PPIP5K2: variants seen among roughly 807,000 people sequenced by gnomAD.
PPIP5K2 encodes inositol hexakisphosphate and diphosphoinositol-pentakisphosphate kinase 2.
Under a neutral mutation model 154.6 loss-of-function variants are expected in PPIP5K2, and 105 were observed. The observed-to-expected ratio is 0.68, with a 90% CI of 0.58 to 0.80. PPIP5K2 has a LOEUF of 0.80. PPIP5K2 is among the 30% of genes least tolerant of loss of function. PPIP5K2 has a pLI of 0.00. For synonymous variants in PPIP5K2, 480 were observed against 490.3 expected (o/e 0.98, Z 0.28); for missense variants, 992 against 1,504.6 (o/e 0.66, Z 5.64).
At chr5:103,197,460 C>CT (rs141436952) in intron 30 of PPIP5K2, among the ~76,000 whole-genome samples, 6 of 143,156 alleles carry the variant, frequency 4.2e-5, no homozygotes, top group East Asian at 4.1e-4. Flanking sequence ...TTGTGTTCTA[C>CT]TTTTTTTTTG....
chr5:103,186,491 C>T (rs189454327), intron 27 of PPIP5K2, 52 bp downstream of exon 27: 29 of 1,604,660 alleles, frequency 1.8e-5, no homozygotes, highest in Non-Finnish European at 2.5e-5. Context: ...TGCACACACC[C>T]ATGAGCAGTA....
chr5:103,188,557 A>G (rs782210392), intron 28 of PPIP5K2: 9 of 152,174 alleles, frequency 5.9e-5, no homozygotes, highest in Admixed American at 4.6e-4. Flanking sequence ...TTTAAATGCT[A>G]CTTTTTGAAG....
In PPIP5K2 at chr5:103,204,246, A is replaced by C. The variant is rs1803361513; in HGVS notation, c.*2612A>C. 6.6e-6 allele frequency: 1 copy of C among 152,102 alleles called. No individual in the cohort carries two copies. The highest frequency in any genetic ancestry group is 1.5e-5 in the Non-Finnish European group (1 of 68,010). 9.4% of individuals were successfully genotyped at this position (152,102 alleles called of 1,614,324 possible). ...TCTCAGTCTTTGTGTATTTATAAGA[A>C]TTTGCTTTACACATAGTGTACAGTG... On this transcript the variant is annotated 3_prime_UTR_variant, in exon 31 of 31. Transcript: ENST00000358359.
intron 8 of PPIP5K2, among the ~76,000 whole-genome samples, chr5:103,149,768 C>T (rs182542134): frequency 5.5e-4 from 84 of 151,434 alleles, no homozygotes; most frequent in Non-Finnish European, 1.9e-4. Context: ...AGGATCTTGG[C>T]TCACTGCAAC....
chr5:103,181,329 A>C (rs982761679), intron 24 of PPIP5K2, among the ~76,000 whole-genome samples: 2 of 151,852 alleles, frequency 1.3e-5, no homozygotes, highest in African/African-American at 4.8e-5. Context: ...GCACTTTGGG[A>C]GGCCGAGGTG....
chr5:103,186,481 T>C lies in PPIP5K2; in HGVS notation c.3289+42T>C, dbSNP rs782209580. 3.1e-6 allele frequency: 5 copies of C among 1,611,882 alleles called. No individual in the cohort carries two copies. In the South Asian group the frequency reaches 4.4e-5, roughly 14 times the overall value. On this transcript the variant is annotated intron_variant, in intron 27 of 30. Coordinates refer to ENST00000358359, the MANE Select transcript of PPIP5K2 (RefSeq NM_001276277.3). ...ACACACAGATTCATACCTACACCCA[T>C]GCACACACCCATGAGCAGTATTTCT...
chr5:103,137,581 G>A (rs1791752346), intron 4 of PPIP5K2, among the ~76,000 whole-genome samples: 2 of 152,038 alleles, frequency 1.3e-5, no homozygotes. Flanking sequence ...AAATATGAGT[G>A]TATTTATGTA....
chr5:103,121,020 TGAA>T (rs1464506954), intron 1 of PPIP5K2, among the ~76,000 whole-genome samples: 2 of 152,162 alleles, frequency 1.3e-5, no homozygotes, highest in East Asian at 1.9e-4. Context: ...TTCTGCGCCT[TGAA>T]GAAGAAGGGG....
chr5:103,187,303 C>T lies in PPIP5K2; in HGVS notation c.3290-11C>T. 1 of 1,526,124 alleles carries T rather than the reference C, an allele frequency of 6.6e-7. No individual in the cohort carries two copies. Among genetic ancestry groups the T allele is most frequent in the Non-Finnish European group, 8.8e-7 (1 of 1,140,924 alleles). 94.5% of individuals were successfully genotyped at this position (1,526,124 alleles called of 1,614,324 possible). ...TTACGAATTTCAGGTACCTGTTTTT[C>T]TCTTTCTTAGACGCCACACGCGGTT... On this transcript the variant is annotated splice_polypyrimidine_tract_variant and intron_variant, in intron 27 of 30. Transcript: ENST00000358359.
Position 103,123,119 on chromosome 5 carries a change from G to T in PPIP5K2, c.-285+2631G>T, listed in dbSNP as rs957936932. Among the ~76,000 whole-genome samples, 4 of 152,282 alleles carry T rather than the reference G, an allele frequency of 2.6e-5. No homozygotes were observed. The East Asian group carries it at 7.7e-4, about 29-fold the overall frequency. On this transcript the variant is annotated intron_variant, in intron 1 of 30. Coordinates refer to ENST00000358359, the MANE Select transcript of PPIP5K2 (RefSeq NM_001276277.3). ...TATTTGTTCCTTGCCAATTAAATTT[G>T]CTAGAAAACTGTCATAACAACATTT...
chr5:103,155,889 T>C lies in PPIP5K2; in HGVS notation c.1404-20T>C, dbSNP rs1795349559. The C allele has an allele frequency of 6.7e-7, 1 of 1,482,116 alleles. No individual in the cohort carries two copies. The highest frequency in any genetic ancestry group is 2.3e-5 in the East Asian group (1 of 44,154). 91.8% of individuals were successfully genotyped at this position (1,482,116 alleles called of 1,614,324 possible). On this transcript the variant is annotated intron_variant, in intron 13 of 30. Coordinates refer to ENST00000358359, the MANE Select transcript of PPIP5K2 (RefSeq NM_001276277.3). ...GTTTTTCCCTACATGTTCTATTCTG[T>C]TTATCATTTTATTTTTCAGGTATGG...
chr5:103,199,671 T>TGTTGATTTG (rs1162358778), intron 30 of PPIP5K2, among the ~76,000 whole-genome samples: 7 of 152,194 alleles, frequency 4.6e-5, no homozygotes, highest in Admixed American at 2.0e-4. Flanking sequence ...CATTGGTTGA[T>TGTTGATTTG]GTTGATTTGG....
intron 8 of PPIP5K2, 32 bp from the exon 9 acceptor site, chr5:103,151,221 A>T: frequency 6.5e-7 from 1 of 1,539,300 alleles, no homozygotes; most frequent in South Asian, 1.2e-5. Flanking sequence ...AATTTAAATA[A>T]AACCTTAAAG....
At chr5:103,195,386 G>A in intron 30 of PPIP5K2, among the ~76,000 whole-genome samples, 1 of 152,006 alleles carries the variant, frequency 6.6e-6, no homozygotes, top group East Asian at 1.9e-4. Flanking sequence ...TCAGGAAGTG[G>A]AGGTATGAGG....
intron 8 of PPIP5K2, among the ~76,000 whole-genome samples, chr5:103,150,338 T>C (rs1489107280): frequency 1.3e-5 from 2 of 152,212 alleles, no homozygotes. Context: ...TACTAATACC[T>C]GATGATTGAA....
rs781964803 is a variant in PPIP5K2 at position 103,204,590 on chromosome 5, G to A, written c.*2956G>A. 6.6e-6 allele frequency: 1 copy of A among 152,148 alleles called. No homozygotes were observed. The highest frequency in any genetic ancestry group is 2.4e-5 in the African/African-American group (1 of 41,428). 9.4% of individuals were successfully genotyped at this position (152,148 alleles called of 1,614,324 possible). On this transcript the variant is annotated 3_prime_UTR_variant, in exon 31 of 31. Coordinates refer to ENST00000358359, the MANE Select transcript of PPIP5K2 (RefSeq NM_001276277.3). ...CTCCTAAATAGCTGGTACTATAGGT[G>A]CGTGCCACCACACCCAGCTCATGGG...
intron 23 of PPIP5K2, 64 bp downstream of exon 23, chr5:103,178,044 A>G (rs782498258): frequency 6.7e-6 from 7 of 1,048,772 alleles, no homozygotes; most frequent in Non-Finnish European, 7.3e-6. Flanking sequence ...AGGTTTCTAT[A>G]AGAGATTTTT....
chr5:103,187,316 G>A lies in PPIP5K2; in HGVS notation c.3292G>A (p.Ala1098Thr), dbSNP rs984944764. The change falls in exon 28 of 31, where the codon GCC becomes ACC. Residue 1098 changes from alanine (A) to threonine (T), a missense_variant and splice_region_variant. This residue lies in a region of PPIP5K2 where 204 missense variants were observed against 224.0 expected (regional missense o/e 0.91). Coordinates refer to ENST00000358359, the MANE Select transcript of PPIP5K2 (RefSeq NM_001276277.3). ...GTACCTGTTTTTCTCTTTCTTAGAC[G>A]CCACACGCGGTTCTGCTGTTAAAAG... is the stretch of plus-strand genomic sequence containing the variant. Reference protein sequence around the residue: ...KLTSSGCIDDATRGSAVKRFS... With the variant: ...KLTSSGCIDDTTRGSAVKRFS... 13 of 1,533,332 alleles carry A rather than the reference G, an allele frequency of 8.5e-6. No homozygotes were observed. Among genetic ancestry groups the A allele is most frequent in the Middle Eastern group, 1.7e-4 (1 of 5,978 alleles). The allele number at this position is 1,533,332 out of a possible 1,614,324, so 95.0% of individuals were successfully genotyped here.
chr5:103,196,736 A>G (rs1437515874), intron 30 of PPIP5K2, among the ~76,000 whole-genome samples: 1 of 152,156 alleles, frequency 6.6e-6, no homozygotes, highest in African/African-American at 2.4e-5. Flanking sequence ...AAATGGTGTT[A>G]TATTTGACAT....
Sources: gnomAD v4.1 joint callset for allele counts (sites outside exome capture counted in the v4.1 genomes callset) on GRCh38, gnomAD v4.1.1 for gene constraint, gnomAD v4.1.1 regional missense constraint, MANE v1.5 for transcripts, NCBI Gene and HGNC (gene_info 2026-07-23, HGNC 2026-07-21) for gene names.